RSRC1: variants seen among roughly 807,000 people sequenced by gnomAD.
RSRC1 encodes arginine and serine rich coiled-coil 1, also known as serine/Arginine-related protein 53.
RSRC1 carries 39 observed loss-of-function variants against 49.1 expected under a neutral mutation model. The ratio of observed to expected loss-of-function variants is 0.79; its 90% CI spans 0.61 to 1.04. The LOEUF (loss-of-function observed/expected upper bound fraction) is 1.04, where lower values mean the gene tolerates loss of function less well. Ranked by LOEUF, RSRC1 falls within the 50% of genes least tolerant of loss-of-function variation. RSRC1 has a pLI of 0.00. For missense variants in RSRC1, 388 were observed against 402.4 expected (o/e 0.96, Z 0.31); for synonymous variants, 143 against 130.8 (o/e 1.09, Z -0.63).
At position 158,373,448 on chromosome 3, in the gene RSRC1, A is replaced by G. The variant is rs1056434177; in HGVS notation, c.583+18540A>G. On this transcript the variant is annotated intron_variant, in intron 6 of 9. Transcript: ENST00000611884. ...AATTCTTGTAAAGAATGAATGTTTT[A>G]TTTTGTCAAATGCCTTTTCAGTATC... 6.3e-4 allele frequency among the ~76,000 whole-genome samples: 95 copies of G among 151,896 alleles called. 1 individual carries two copies. The highest frequency in any genetic ancestry group is 2.3e-3 in the African/African-American group (95 of 41,512).
At chr3:158,162,410 CT>C (rs891190017) in intron 3 of RSRC1, among the ~76,000 whole-genome samples, 5 of 151,668 alleles carry the variant, frequency 3.3e-5, no homozygotes, top group African/African-American at 1.2e-4. Context: ...TAATGGTTTC[CT>C]TTTTTTTGGT....
At chr3:158,373,327 C>T (rs1264093135) in intron 6 of RSRC1, among the ~76,000 whole-genome samples, 1 of 151,890 alleles carries the variant, frequency 6.6e-6, no homozygotes, top group Non-Finnish European at 1.5e-5. Flanking sequence ...AGAAAACATT[C>T]AGTCTTTCAC....
rs575670454 is a variant in RSRC1 at position 158,455,481 on chromosome 3, TA to T, written c.584-5452del. 2.3e-3 allele frequency among the ~76,000 whole-genome samples: 345 copies of T among 152,210 alleles called. 1 individual carries two copies. The highest frequency in any genetic ancestry group is 2.4e-3 in the Admixed American group (36 of 15,300). ...ATCTAACTTTAGCAAACAGCTACAA[TA>T]ATTGAAAAAGCCAATCCCCTATGGA... On this transcript the variant is annotated intron_variant, in intron 6 of 9. Coordinates refer to ENST00000611884, the MANE Select transcript of RSRC1 (RefSeq NM_001271838.2).
intron 4 of RSRC1, chr3:158,275,936 C>G (rs1292684568): frequency 2.8e-6 from 2 of 724,810 alleles, no homozygotes; most frequent in Non-Finnish European, 4.9e-6. Context: ...AGATGTGAGC[C>G]CACACATTTC....
intron 7 of RSRC1, among the ~76,000 whole-genome samples, chr3:158,519,431 C>A (rs1024810334): frequency 6.6e-6 from 1 of 151,716 alleles, no homozygotes; most frequent in Non-Finnish European, 1.5e-5. Flanking sequence ...CTGGGAAGGT[C>A]TCCCTAAGGA....
At chr3:158,129,381 C>G (rs770323777) in intron 3 of RSRC1, among the ~76,000 whole-genome samples, 3 of 149,388 alleles carry the variant, frequency 2.0e-5, no homozygotes, top group Non-Finnish European at 4.4e-5. Flanking sequence ...ACCTCTGCCT[C>G]CTGGGTTCAA....
chr3:158,203,498 A>G (rs970419483), intron 4 of RSRC1, among the ~76,000 whole-genome samples: 4 of 152,208 alleles, frequency 2.6e-5, no homozygotes, highest in African/African-American at 4.8e-5. Context: ...ATCAATATAA[A>G]CAGCAATATC....
At chr3:158,286,624 A>C (rs1726578938) in intron 4 of RSRC1, among the ~76,000 whole-genome samples, 1 of 152,228 alleles carries the variant, frequency 6.6e-6, no homozygotes. Context: ...TCATTAAACA[A>C]GGAAAGACTT....
chr3:158,500,566 T>C (rs557648006), intron 7 of RSRC1, among the ~76,000 whole-genome samples: 54 of 152,260 alleles, frequency 3.5e-4, no homozygotes, highest in African/African-American at 1.3e-3. Context: ...TCAGGATATC[T>C]AATTCTTGCT....
At chr3:158,213,064 A>G (rs1721772192) in intron 4 of RSRC1, among the ~76,000 whole-genome samples, 1 of 151,992 alleles carries the variant, frequency 6.6e-6, no homozygotes, top group Non-Finnish European at 1.5e-5. Flanking sequence ...GCACAAGTAT[A>G]GAATCAGAAA....
At chr3:158,179,294 A>G (rs897917479) in intron 3 of RSRC1, among the ~76,000 whole-genome samples, 21 of 152,304 alleles carry the variant, frequency 1.4e-4, no homozygotes, top group African/African-American at 5.1e-4. Flanking sequence ...AAACTGTAGT[A>G]TGGTATCACA....
chr3:158,521,275 C>G (rs1281696078), intron 7 of RSRC1, among the ~76,000 whole-genome samples: 1 of 152,114 alleles, frequency 6.6e-6, no homozygotes, highest in Non-Finnish European at 1.5e-5. Context: ...CAGCAGATCT[C>G]CATGTGAAGT....
chr3:158,224,331 TC>T (rs1482707950), intron 4 of RSRC1, among the ~76,000 whole-genome samples: 2 of 151,816 alleles, frequency 1.3e-5, no homozygotes, highest in African/African-American at 4.8e-5. Flanking sequence ...GCTCCACATT[TC>T]CCCCATCCTG....
intron 7 of RSRC1, among the ~76,000 whole-genome samples, chr3:158,471,435 GTTATT>G (rs1738130744): frequency 6.6e-6 from 1 of 152,092 alleles, no homozygotes; most frequent in Non-Finnish European, 1.5e-5. Context: ...GTTAGCTATT[GTTATT>G]ATAGCAAAAG....
intron 3 of RSRC1, among the ~76,000 whole-genome samples, chr3:158,128,972 G>A (rs987412589): frequency 6.6e-6 from 1 of 152,102 alleles, no homozygotes; most frequent in Non-Finnish European, 1.5e-5. Flanking sequence ...CATATCAAGG[G>A]GTCTGTGATA....
chr3:158,178,563 T>C (rs1413112529), intron 3 of RSRC1, among the ~76,000 whole-genome samples: 2 of 152,232 alleles, frequency 1.3e-5, no homozygotes, highest in Admixed American at 1.3e-4. Flanking sequence ...TTATTTTCTC[T>C]TGTTAATTTT....
intron 3 of RSRC1, among the ~76,000 whole-genome samples, chr3:158,142,100 AAAAGAAAG>A (rs970350155): frequency 1.3e-5 from 2 of 152,210 alleles, no homozygotes; most frequent in South Asian, 2.1e-4. Context: ...TCCGTCTCAA[AAAAGAAAG>A]AAAGAAAGAA....
chr3:158,168,895 A>G (rs556814032), intron 3 of RSRC1, among the ~76,000 whole-genome samples: 1 of 152,116 alleles, frequency 6.6e-6, no homozygotes, highest in South Asian at 2.1e-4. Context: ...AAGCTCCCCA[A>G]ACAACTGAAC....
chr3:158,225,014 T>G (rs916547014), intron 4 of RSRC1, among the ~76,000 whole-genome samples: 1 of 151,926 alleles, frequency 6.6e-6, no homozygotes, highest in Non-Finnish European at 1.5e-5. Context: ...ATGAGGTTTT[T>G]GAAGTACCAA....
Sources: allele counts gnomAD v4.1 joint callset (sites outside exome capture counted in the v4.1 genomes callset), GRCh38; gene constraint gnomAD v4.1.1; transcripts MANE v1.5; gene names NCBI Gene and HGNC (gene_info 2026-07-23, HGNC 2026-07-21).